Variants in MAGI2 observed in about 807,000 individuals in gnomAD.
MAGI2 encodes membrane-associated guanylate kinase, WW and PDZ domain-containing protein 2.
Under a neutral mutation model 133.3 loss-of-function variants are expected in MAGI2, and 35 were observed. That is an observed-to-expected ratio of 0.26 (90% CI 0.20 to 0.35). The LOEUF is 0.35. MAGI2 is among the 10% of genes least tolerant of loss of function. MAGI2 has a pLI of 1.00. For synonymous variants in MAGI2, 729 were observed against 710.6 expected, an observed-to-expected ratio of 1.03 and a Z score of -0.41; for missense variants, 1,636 against 1,863.4, an observed-to-expected ratio of 0.88 and a Z score of 2.25.
At chr7:79,452,763 C>T in intron 1 of MAGI2, 1 of 463,780 alleles carries the variant, frequency 2.2e-6, no homozygotes, top group Non-Finnish European at 3.8e-6. Flanking sequence ...GAGGTCAGAC[C>T]AGGCCGAGCA....
At chr7:79,449,416 G>A (rs1849082960) in intron 1 of MAGI2, among the ~76,000 whole-genome samples, 1 of 150,828 alleles carries the variant, frequency 6.6e-6, no homozygotes, top group African/African-American at 2.4e-5. Flanking sequence ...ATAAGTCCAG[G>A]TTATGTAGGT....
intron 16 of MAGI2, among the ~76,000 whole-genome samples, chr7:78,140,579 T>C (rs1445678871): frequency 6.6e-6 from 1 of 152,226 alleles, no homozygotes; most frequent in Non-Finnish European, 1.5e-5. Flanking sequence ...AACATGTCAT[T>C]AGCTTAAAGA....
At chr7:78,326,799 C>T (rs553636143) in intron 9 of MAGI2, among the ~76,000 whole-genome samples, 1 of 152,170 alleles carries the variant, frequency 6.6e-6, no homozygotes, top group Admixed American at 6.5e-5. Flanking sequence ...CAACACCAAA[C>T]TTGATTTAAA....
chr7:78,174,186 T>C (rs912084425), intron 14 of MAGI2, among the ~76,000 whole-genome samples: 2 of 152,158 alleles, frequency 1.3e-5, no homozygotes, highest in Admixed American at 6.5e-5. Flanking sequence ...TAATAAATAT[T>C]TACTGTACCA....
At chr7:78,973,311 C>T (rs1230202660) in intron 2 of MAGI2, among the ~76,000 whole-genome samples, 2 of 151,448 alleles carry the variant, frequency 1.3e-5, no homozygotes, top group Non-Finnish European at 2.9e-5. Context: ...ACTTCTTTTG[C>T]CTTGATTGGG....
At chr7:79,178,155 T>C (rs978415718) in intron 1 of MAGI2, among the ~76,000 whole-genome samples, 1 of 152,010 alleles carries the variant, frequency 6.6e-6, no homozygotes, top group Non-Finnish European at 1.5e-5. Context: ...CTCTCTTTCT[T>C]GTCGCTGTAC....
Position 78,588,531 on chromosome 7 carries a change from A to G in MAGI2, c.538+38589T>C, listed in dbSNP as rs539166128. Among the ~76,000 whole-genome samples the G allele has an allele frequency of 1.4e-4, 22 of 152,320 alleles. 1 individual carries two copies. The highest frequency in any genetic ancestry group is 3.4e-3 in the Middle Eastern group (1 of 294). On this transcript the variant is annotated intron_variant, in intron 3 of 21. Transcript: ENST00000354212. ...TTCCGAGAGTGAAGGCTGCCAAGTC[A>G]GTCTCAAACAACTTGCACCACTCAG...
At chr7:78,833,385 G>T (rs1313489359) in intron 2 of MAGI2, among the ~76,000 whole-genome samples, 1 of 152,120 alleles carries the variant, frequency 6.6e-6, no homozygotes, top group Non-Finnish European at 1.5e-5. Context: ...TATATCCAGT[G>T]CATTGGAGGC....
chr7:78,747,111 C>A (rs1195507465), intron 2 of MAGI2, among the ~76,000 whole-genome samples: 1 of 152,150 alleles, frequency 6.6e-6, no homozygotes, highest in Middle Eastern at 3.2e-3. Context: ...ATTCACTATG[C>A]TTAAATTGGG....
At chr7:79,181,517 G>T (rs987189071) in intron 1 of MAGI2, among the ~76,000 whole-genome samples, 1 of 151,974 alleles carries the variant, frequency 6.6e-6, no homozygotes, top group East Asian at 2.0e-4. Flanking sequence ...AGAAACCCTG[G>T]GCCCGGCCCA....
chr7:78,800,676 T>A (rs1201416114), intron 2 of MAGI2, among the ~76,000 whole-genome samples: 2 of 152,202 alleles, frequency 1.3e-5, no homozygotes, highest in Non-Finnish European at 2.9e-5. Context: ...AGTGATGTTA[T>A]AATGACACCA....
intron 1 of MAGI2, among the ~76,000 whole-genome samples, chr7:79,245,773 C>A (rs1832775516): frequency 6.6e-6 from 1 of 152,156 alleles, no homozygotes; most frequent in African/African-American, 2.4e-5. Context: ...CAGCCCTATG[C>A]CCTTGAGCAA....
At chr7:78,993,326 T>C (rs1048443256) in intron 2 of MAGI2, among the ~76,000 whole-genome samples, 2 of 152,128 alleles carry the variant, frequency 1.3e-5, no homozygotes, top group East Asian at 1.9e-4. Context: ...TGTTAGTCTT[T>C]GACAACATAA....
At chr7:78,052,011 A>G (rs918227222) in intron 21 of MAGI2, among the ~76,000 whole-genome samples, 1 of 151,308 alleles carries the variant, frequency 6.6e-6, no homozygotes, top group African/African-American at 2.4e-5. Flanking sequence ...AGCTGGGACT[A>G]TGGCACACAC....
At chr7:78,578,487 TAAG>T (rs1169430637) in intron 3 of MAGI2, among the ~76,000 whole-genome samples, 1 of 151,280 alleles carries the variant, frequency 6.6e-6, no homozygotes, top group Non-Finnish European at 1.5e-5. Context: ...GAAGTAAAAA[TAAG>T]AAAGGGTAAA....
Position 78,581,948 on chromosome 7 carries a change from C to T in MAGI2, c.538+45172G>A, listed in dbSNP as rs565246570. Among the ~76,000 whole-genome samples, 44 of 152,202 alleles carry T rather than the reference C, an allele frequency of 2.9e-4. No individual in the cohort carries two copies. In the South Asian group the frequency reaches 4.4e-3, roughly 15 times the overall value. Reference sequence around the variant, plus strand: ...CAGAAGTAAGGACATTCCTTTCCTCCGGGTATATGGAGAGCACCTCTTACA... The same window carrying T: ...CAGAAGTAAGGACATTCCTTTCCTCTGGGTATATGGAGAGCACCTCTTACA... On this transcript the variant is annotated intron_variant, in intron 3 of 21. Coordinates refer to ENST00000354212, the MANE Select transcript of MAGI2 (RefSeq NM_012301.4).
chr7:78,859,387 C>T (rs1793953153), intron 2 of MAGI2, among the ~76,000 whole-genome samples: 1 of 151,664 alleles, frequency 6.6e-6, no homozygotes, highest in South Asian at 2.1e-4. Context: ...TCAGTTGTTC[C>T]TTTCCATGTT....
intron 2 of MAGI2, among the ~76,000 whole-genome samples, chr7:78,747,631 C>G (rs955276093): frequency 6.6e-6 from 1 of 152,304 alleles, no homozygotes; most frequent in Non-Finnish European, 1.5e-5. Context: ...GAGTAGTCCA[C>G]TCTCCTAGGA....
At chr7:78,218,168 C>G (rs552251628) in intron 10 of MAGI2, among the ~76,000 whole-genome samples, 1 of 152,308 alleles carries the variant, frequency 6.6e-6, no homozygotes, top group African/African-American at 2.4e-5. Context: ...GAAGGAAGTT[C>G]TCCTGGGCTG....
Sources: gnomAD v4.1 joint callset for allele counts (sites outside exome capture counted in the v4.1 genomes callset) on GRCh38, gnomAD v4.1.1 for gene constraint, MANE v1.5 for transcripts, NCBI Gene and HGNC (gene_info 2026-07-23, HGNC 2026-07-21) for gene names.